Variants in GNAO1 observed in about 807,000 individuals in gnomAD.
GNAO1 encodes guanine nucleotide-binding protein G(o) subunit alpha.
For missense variants in GNAO1, 166 were observed against 478.7 expected (o/e 0.35, Z 6.10); for synonymous variants, 164 against 180.7 (o/e 0.91, Z 0.74).
At chr16:56,309,903 TTTTCA>T (rs760122474) in intron 3 of GNAO1, among the ~76,000 whole-genome samples, 11 of 152,246 alleles carry the variant, frequency 7.2e-5, no homozygotes, top group Admixed American at 1.3e-4. Context: ...TATGAATTCA[TTTTCA>T]TGGATATTAG....
intron 2 of GNAO1, among the ~76,000 whole-genome samples, chr16:56,239,056 G>A (rs938650457): frequency 6.6e-6 from 1 of 152,082 alleles, no homozygotes; most frequent in South Asian, 2.1e-4. Context: ...TTCCTTTTGT[G>A]TCCTTCTCCC....
In GNAO1 at chr16:56,191,750, GCGC is replaced by G. The variant is rs1302343226; in HGVS notation, c.-472_-470del. ...CCCTAACTCACTCCCTCCACATCCC[GCGC>G]CGCCGCCGCCGCCTCCTCCACCTCC... On this transcript the variant is annotated 5_prime_UTR_variant, in exon 1 of 9. Transcript: ENST00000262493. This position sits in a 1 kb window ranked among gnomAD's most constrained non-coding sequence, Gnocchi z 4.7. 62 of 207,018 alleles carry G rather than the reference GCGC, an allele frequency of 3.0e-4. No individual in the cohort carries two copies. The highest frequency in any genetic ancestry group is 5.2e-4 in the South Asian group (7 of 13,452). The allele number at this position is 207,018 out of a possible 1,614,324, so 12.8% of individuals were successfully genotyped here. A position where few individuals can be genotyped will look rare whatever the true frequency, so the allele number is the denominator to read the frequency against.
In GNAO1 at chr16:56,257,124, A is replaced by G. The variant is rs1199807598; in HGVS notation, c.162-18807A>G. Among the ~76,000 whole-genome samples, 10 of 152,282 alleles carry G rather than the reference A, an allele frequency of 6.6e-5. No homozygotes were observed. In the East Asian group the frequency reaches 1.5e-3, roughly 24 times the overall value. The stretch of plus-strand genomic sequence containing the variant: ...AGATCAAATGTCATGCCCAGTCTTC[A>G]GTAGGCAACAGTATTTTCTGTGGTG... On this transcript the variant is annotated intron_variant, in intron 2 of 8. Coordinates refer to ENST00000262493, the MANE Select transcript of GNAO1 (RefSeq NM_020988.3).
intron 2 of GNAO1, chr16:56,194,447 C>G (rs2036212598): frequency 2.8e-6 from 1 of 354,344 alleles, no homozygotes; most frequent in South Asian, 2.1e-5. Context: ...GAAGCCCCAG[C>G]CACCTGAGCT....
intron 2 of GNAO1, among the ~76,000 whole-genome samples, chr16:56,223,182 TC>T (rs2036506566): frequency 6.6e-6 from 1 of 152,132 alleles, no homozygotes; most frequent in South Asian, 2.1e-4. Context: ...GGGGGGAGAA[TC>T]CATTCCTTGC....
rs368113345 is a variant in GNAO1 at position 56,275,964 on chromosome 16, C to T, written c.195C>T (p.Asp65=). The change falls in exon 3 of 9, where the codon GAC becomes GAT. Residue 65 remains aspartate (D), a synonymous_variant. Coordinates refer to ENST00000262493, the MANE Select transcript of GNAO1 (RefSeq NM_020988.3). ...IIHEDGFSGE[D]VKQYKPVVYS... ...ATGAAGATGGCTTCTCCGGAGAAGA[C>T]GTGAAACAGTACAAGCCTGTTGTCT... is the stretch of plus-strand genomic sequence containing the variant. The T allele has an allele frequency of 3.1e-5, 50 of 1,613,538 alleles. No homozygotes were observed. The African/African-American group carries it at 4.1e-4, about 13-fold the overall frequency.
At chr16:56,300,140 G>A (rs1362468262) in intron 3 of GNAO1, among the ~76,000 whole-genome samples, 1 of 151,978 alleles carries the variant, frequency 6.6e-6, no homozygotes, top group African/African-American at 2.4e-5. Context: ...ATGACTACAT[G>A]CCTTCTCTCT....
intron 2 of GNAO1, among the ~76,000 whole-genome samples, chr16:56,242,445 C>T (rs775686030): frequency 1.3e-5 from 2 of 152,120 alleles, no homozygotes; most frequent in Non-Finnish European, 2.9e-5. Flanking sequence ...ATAATCAGTA[C>T]AACATGGTAC....
intron 2 of GNAO1, chr16:56,192,966 C>G (rs986657358): frequency 6.1e-5 from 14 of 229,526 alleles, no homozygotes; most frequent in Non-Finnish European, 7.9e-5. Context: ...GCCTCCATTT[C>G]TGTCTGTGTC....
intron 2 of GNAO1, among the ~76,000 whole-genome samples, chr16:56,200,420 A>G (rs958042318): frequency 6.6e-6 from 1 of 152,224 alleles, no homozygotes; most frequent in African/African-American, 2.4e-5. Context: ...TTTGGTGGCC[A>G]TGGAATGTGT....
At position 56,257,214 on chromosome 16, in the gene GNAO1, A is replaced by G. The variant is rs533574968; in HGVS notation, c.162-18717A>G. Among the ~76,000 whole-genome samples, 26 of 152,222 alleles carry G rather than the reference A, an allele frequency of 1.7e-4. No individual in the cohort carries two copies. In the South Asian group the frequency reaches 5.4e-3, roughly 32 times the overall value. Reference sequence around the variant, plus strand: ...TAGAAGTTCAGTTAGGAGCCCATTTATTCTGCCCTGCCTAGTACATATTTA... The same window carrying G: ...TAGAAGTTCAGTTAGGAGCCCATTTGTTCTGCCCTGCCTAGTACATATTTA... On this transcript the variant is annotated intron_variant, in intron 2 of 8. Coordinates refer to ENST00000262493, the MANE Select transcript of GNAO1 (RefSeq NM_020988.3).
intron 2 of GNAO1, among the ~76,000 whole-genome samples, chr16:56,202,053 G>C (rs1462357333): frequency 6.6e-6 from 1 of 152,178 alleles, no homozygotes; most frequent in East Asian, 1.9e-4. Context: ...ACACATTCCA[G>C]CTCCAGGAAA....
chr16:56,197,602 C>A (rs751595623), intron 2 of GNAO1, among the ~76,000 whole-genome samples: 5 of 152,112 alleles, frequency 3.3e-5, no homozygotes, highest in Non-Finnish European at 5.9e-5. Context: ...AGGGTTGTTG[C>A]CAGTTAGATT....
At chr16:56,245,935 G>A (rs1292624644) in intron 2 of GNAO1, among the ~76,000 whole-genome samples, 1 of 152,026 alleles carries the variant, frequency 6.6e-6, no homozygotes, top group Non-Finnish European at 1.5e-5. Flanking sequence ...GTGTGTAGGG[G>A]GGTAAGGGGC....
intron 3 of GNAO1, among the ~76,000 whole-genome samples, chr16:56,293,808 G>A (rs2037256504): frequency 6.6e-6 from 1 of 152,130 alleles, no homozygotes; most frequent in African/African-American, 2.4e-5. Context: ...GGGGTGAAAA[G>A]GCTCAGATGC....
At chr16:56,287,164 G>A (rs968332267) in intron 3 of GNAO1, among the ~76,000 whole-genome samples, 12 of 152,234 alleles carry the variant, frequency 7.9e-5, no homozygotes, top group African/African-American at 1.7e-4. Flanking sequence ...CACTGTGGCC[G>A]CAGCAGGGGG....
chr16:56,282,594 G>A (rs1012125935), intron 3 of GNAO1, among the ~76,000 whole-genome samples: 4 of 152,218 alleles, frequency 2.6e-5, no homozygotes, highest in East Asian at 1.9e-4. Context: ...AAAAGACTGC[G>A]TTTATCTGCA....
rs117245754 is a variant in GNAO1, at chr16:56,352,748, G to C, written c.877+1211G>C. 3.8e-3 allele frequency: 586 copies of C among 152,418 alleles called. 23 individuals are homozygous for C. The South Asian group carries it at 0.079, about 20-fold the overall frequency. The allele number at this position is 152,418 out of a possible 1,614,324, so 9.4% of individuals were successfully genotyped here. The stretch of plus-strand genomic sequence containing the variant: ...CAAACCGTGTCCTCACTGATGGTCC[G>C]TGCTAATGTGAATTTGCAAGGTTCT... On this transcript the variant is annotated intron_variant, in intron 7 of 8. Coordinates refer to ENST00000262493, the MANE Select transcript of GNAO1 (RefSeq NM_020988.3).
chr16:56,236,909 G>T (rs1443434777), intron 2 of GNAO1, among the ~76,000 whole-genome samples: 3 of 152,180 alleles, frequency 2.0e-5, no homozygotes, highest in African/African-American at 7.2e-5. Context: ...GTAGGATTGT[G>T]CATTTGGATA....
Sources: allele counts gnomAD v4.1 joint callset (sites outside exome capture counted in the v4.1 genomes callset), GRCh38; gene constraint gnomAD v4.1.1; non-coding constraint Gnocchi (gnomAD v3.1); transcripts MANE v1.5; gene names NCBI Gene and HGNC (gene_info 2026-07-23, HGNC 2026-07-21).